The following TMEM156 variants were observed in gnomAD, a reference collection of about 807,000 sequenced individuals.
TMEM156 encodes transmembrane protein 156.
Under a neutral mutation model 30.5 loss-of-function variants are expected in TMEM156, and 28 were observed. That is an observed-to-expected ratio of 0.92 (90% CI 0.68 to 1.26). TMEM156 has a LOEUF of 1.26. Ranked by LOEUF, TMEM156 falls within the 50% of genes most tolerant of loss-of-function variation. The pLI is 0.00. For synonymous variants in TMEM156, 137 were observed against 119.9 expected (o/e 1.14, Z -0.93); for missense variants, 351 against 340.6 (o/e 1.03, Z -0.24).
chr4:39,024,596 G>A (rs1715079960), intron 1 of TMEM156, among the ~76,000 whole-genome samples: 1 of 152,158 alleles, frequency 6.6e-6, no homozygotes, highest in Non-Finnish European at 1.5e-5. Context: ...AGTATCACAT[G>A]TTCTCAATTA....
chr4:39,024,327 G>A (rs1042824120), intron 1 of TMEM156, among the ~76,000 whole-genome samples: 1 of 151,908 alleles, frequency 6.6e-6, no homozygotes, highest in African/African-American at 2.4e-5. Context: ...GAGCCACCAT[G>A]CCCAGCCGAG....
intron 5 of TMEM156, chr4:38,980,912 C>A (rs1723145825): frequency 6.1e-6 from 6 of 984,186 alleles, no homozygotes; most frequent in African/African-American, 1.7e-5. Context: ...ACATATATGC[C>A]TGTCACGTAA....
At chr4:39,028,851 TC>T (rs1008715287) in intron 1 of TMEM156, among the ~76,000 whole-genome samples, 4 of 152,226 alleles carry the variant, frequency 2.6e-5, no homozygotes, top group African/African-American at 9.7e-5. Flanking sequence ...TAGCTGCCTT[TC>T]AAATAAATGG....
intron 1 of TMEM156, among the ~76,000 whole-genome samples, chr4:39,031,669 A>G (rs908035071): frequency 1.6e-4 from 24 of 152,014 alleles, no homozygotes; most frequent in Admixed American, 1.6e-3. Flanking sequence ...GTGGATCACA[A>G]GGTCAGGAGT....
In TMEM156 at chr4:39,032,300, G is replaced by T; in HGVS notation, c.14C>A (p.Ala5Asp). 1 of 1,607,350 alleles carries T rather than the reference G, an allele frequency of 6.2e-7. No individual in the cohort carries two copies. The highest frequency in any genetic ancestry group is 8.5e-7 in the Non-Finnish European group (1 of 1,175,808). The change falls in exon 1 of 7, where the codon GCC (alanine) becomes GAC (aspartate). Residue 5 changes from alanine (A) to aspartate (D), a missense_variant. Transcript: ENST00000381938. ...TATTGCCACAAATAATTTAAGGAGG[G>T]CTGTTTTTGTCATGTCTCTTCACAT... MTKT[A>D]LLKLFVAIVI...
chr4:39,031,905 A>AAAAAAAAAAC lies in TMEM156; in HGVS notation c.88+320_88+321insGTTTTTTTTT, dbSNP rs60499521. Among the ~76,000 whole-genome samples the AAAAAAAAAAC allele has an allele frequency of 5.1e-4, 66 of 129,240 alleles. 5 individuals are homozygous for AAAAAAAAAAC. The highest frequency in any genetic ancestry group is 6.8e-4 in the East Asian group (3 of 4,396). 84.8% of individuals were successfully genotyped at this position (129,240 alleles called of 152,430 possible). On this transcript the variant is annotated intron_variant, in intron 1 of 6. Coordinates refer to ENST00000381938, the MANE Select transcript of TMEM156 (RefSeq NM_024943.3). ...AAAAAAAAAAATAAAAAATAAAAAA[A>AAAAAAAAAAC]TAAAAAAAAACTGCTTTGAAGAAAG...
intron 6 of TMEM156, among the ~76,000 whole-genome samples, chr4:38,969,017 G>T (rs1722472860): frequency 1.3e-5 from 2 of 152,162 alleles, no homozygotes; most frequent in Non-Finnish European, 2.9e-5. Context: ...AATTTATGGG[G>T]TACCTGTTAA....
intron 4 of TMEM156, among the ~76,000 whole-genome samples, chr4:38,987,575 C>A (rs1010858796): frequency 1.3e-5 from 2 of 152,196 alleles, no homozygotes; most frequent in Non-Finnish European, 2.9e-5. Context: ...ACTGAAATGG[C>A]TAACACAGCC....
intron 5 of TMEM156, among the ~76,000 whole-genome samples, chr4:38,974,120 G>A (rs1305478238): frequency 6.6e-6 from 1 of 151,352 alleles, no homozygotes; most frequent in African/African-American, 2.4e-5. Flanking sequence ...TGTGCTACTG[G>A]ATTGCTAATG....
intron 1 of TMEM156, among the ~76,000 whole-genome samples, chr4:39,021,489 T>A (rs1714865259): frequency 6.6e-6 from 1 of 152,128 alleles, no homozygotes; most frequent in Non-Finnish European, 1.5e-5. Flanking sequence ...TTTGCCCATT[T>A]TTAAATCAGG....
intron 1 of TMEM156, among the ~76,000 whole-genome samples, chr4:39,028,033 AC>A (rs1246059502): frequency 1.1e-4 from 17 of 151,724 alleles, no homozygotes; most frequent in Admixed American, 1.1e-3. Context: ...CTGGGATTAC[AC>A]CGCGCCTGGC....
At chr4:38,994,383 C>G (rs139672934) in intron 2 of TMEM156, among the ~76,000 whole-genome samples, 186 of 152,260 alleles carry the variant, frequency 1.2e-3, no homozygotes, top group African/African-American at 4.4e-3. Context: ...TCCTCAGACT[C>G]CTGAATTGCT....
At chr4:38,977,942 A>G (rs1157209827) in intron 5 of TMEM156, among the ~76,000 whole-genome samples, 1 of 152,196 alleles carries the variant, frequency 6.6e-6, no homozygotes, top group Admixed American at 6.5e-5. Flanking sequence ...TTAGATAAAG[A>G]TTTCTATCGC....
In TMEM156 at chr4:39,001,081, C is replaced by T. The variant is rs549953284; in HGVS notation, c.89-2172G>A. ...ATAGGCAACCTATCTTTCAGAAATT[C>T]CCAGTCTGATAGTCTTTTGTTAGCA... is the stretch of plus-strand genomic sequence containing the variant. On this transcript the variant is annotated intron_variant, in intron 1 of 6. Transcript: ENST00000381938. Among the ~76,000 whole-genome samples, 5 of 151,890 alleles carry T rather than the reference C, an allele frequency of 3.3e-5. No homozygotes were observed. The South Asian group carries it at 1.0e-3, about 32-fold the overall frequency.
intron 5 of TMEM156, among the ~76,000 whole-genome samples, chr4:38,976,070 C>T (rs1302578398): frequency 2.0e-5 from 3 of 151,762 alleles, no homozygotes; most frequent in Admixed American, 6.6e-5. Flanking sequence ...GAGGATCACC[C>T]GAGGTCAGGA....
intron 1 of TMEM156, among the ~76,000 whole-genome samples, chr4:39,027,385 T>C (rs1223068511): frequency 2.6e-5 from 4 of 152,174 alleles, no homozygotes; most frequent in Non-Finnish European, 1.5e-5. Flanking sequence ...TCCTTTGTTT[T>C]CTTCAATTTC....
At chr4:38,976,700 A>G (rs1259875110) in intron 5 of TMEM156, among the ~76,000 whole-genome samples, 3 of 152,246 alleles carry the variant, frequency 2.0e-5, no homozygotes, top group African/African-American at 4.8e-5. Flanking sequence ...CTGAAAATCA[A>G]CAGAGGTAGT....
chr4:39,023,339 T>A (rs1714990763), intron 1 of TMEM156, among the ~76,000 whole-genome samples: 1 of 152,142 alleles, frequency 6.6e-6, no homozygotes, highest in African/African-American at 2.4e-5. Context: ...ACTAGAGCAT[T>A]ATTGAATAGA....
intron 6 of TMEM156, among the ~76,000 whole-genome samples, chr4:38,970,394 A>T (rs1181889412): frequency 6.6e-6 from 1 of 152,054 alleles, no homozygotes; most frequent in Non-Finnish European, 1.5e-5. Context: ...AAAACCACCC[A>T]CGTATTCTGA....
Sources: gnomAD v4.1 joint callset for allele counts (sites outside exome capture counted in the v4.1 genomes callset) on GRCh38, gnomAD v4.1.1 for gene constraint, MANE v1.5 for transcripts, NCBI Gene and HGNC (gene_info 2026-07-23, HGNC 2026-07-21) for gene names.